Variants in UNC5C observed in about 807,000 individuals in gnomAD.
UNC5C encodes the protein netrin receptor UNC5C.
UNC5C carries 47 observed loss-of-function variants against 99.8 expected under a neutral mutation model. The observed-to-expected ratio is 0.47, with a 90% CI of 0.37 to 0.60. The LOEUF (loss-of-function observed/expected upper bound fraction) is 0.60, where lower values mean the gene tolerates loss of function less well. UNC5C is among the 20% of genes least tolerant of loss of function. UNC5C has a pLI of 0.00. For synonymous variants in UNC5C, 487 were observed against 452.2 expected (o/e 1.08, Z -0.98); for missense variants, 1,062 against 1,165.9 (o/e 0.91, Z 1.30).
At chr4:95,508,621 A>G (rs1223704043) in intron 1 of UNC5C, among the ~76,000 whole-genome samples, 7 of 151,674 alleles carry the variant, frequency 4.6e-5, no homozygotes, top group African/African-American at 1.5e-4. Context: ...GTTTCTCTCC[A>G]TTTTTACTGT....
chr4:95,461,792 T>G (rs1342899326), intron 1 of UNC5C, among the ~76,000 whole-genome samples: 1 of 152,142 alleles, frequency 6.6e-6, no homozygotes, highest in Non-Finnish European at 1.5e-5. Context: ...CAATCAGAGG[T>G]GATGCGTGGC....
At chr4:95,477,835 C>T (rs1227703572) in intron 1 of UNC5C, among the ~76,000 whole-genome samples, 1 of 151,970 alleles carries the variant, frequency 6.6e-6, no homozygotes, top group Non-Finnish European at 1.5e-5. Flanking sequence ...CATACCTATA[C>T]TTAAGAGGAC....
At chr4:95,479,551 A>G (rs1721070707) in intron 1 of UNC5C, among the ~76,000 whole-genome samples, 1 of 151,976 alleles carries the variant, frequency 6.6e-6, no homozygotes. Context: ...TGAAACATAC[A>G]AAGGTTCTGA....
chr4:95,184,187 G>A lies in UNC5C; in HGVS notation c.2286+860C>T, dbSNP rs536612518. Among the ~76,000 whole-genome samples the A allele has an allele frequency of 4.2e-4, 64 of 152,248 alleles. No homozygotes were observed. The South Asian group carries it at 0.011, about 27-fold the overall frequency. On this transcript the variant is annotated intron_variant, in intron 13 of 15. Transcript: ENST00000453304. ...ATAGAGAGTCTGGCATGCAACCTCC[G>A]TCAAAGCTCATGATTGTTAACAAAC... is the stretch of plus-strand genomic sequence containing the variant.
chr4:95,211,100 T>C (rs1425939726), intron 10 of UNC5C, among the ~76,000 whole-genome samples: 1 of 152,242 alleles, frequency 6.6e-6, no homozygotes, highest in Non-Finnish European at 1.5e-5. Context: ...GTCTGTTTCC[T>C]AGAGCAGGCT....
chr4:95,212,813 C>T (rs551708535), intron 10 of UNC5C, among the ~76,000 whole-genome samples: 20 of 152,322 alleles, frequency 1.3e-4, no homozygotes, highest in East Asian at 1.2e-3. Context: ...TTCTGCCCCT[C>T]CTTTGCAACA....
At chr4:95,399,033 C>A (rs535034437) in intron 1 of UNC5C, among the ~76,000 whole-genome samples, 1 of 152,248 alleles carries the variant, frequency 6.6e-6, no homozygotes, top group Admixed American at 6.5e-5. Context: ...CTACTGAAAT[C>A]ATCAAAAATA....
At chr4:95,316,718 C>T (rs1008118703) in intron 2 of UNC5C, among the ~76,000 whole-genome samples, 1 of 152,148 alleles carries the variant, frequency 6.6e-6, no homozygotes, top group Non-Finnish European at 1.5e-5. Context: ...CCAATATCTG[C>T]ATACTCCTTA....
At position 95,271,377 on chromosome 4, in the gene UNC5C, G is replaced by A. The variant is rs964897918; in HGVS notation, c.594+6882C>T. On this transcript the variant is annotated intron_variant, in intron 4 of 15. Coordinates refer to ENST00000453304, the MANE Select transcript of UNC5C (RefSeq NM_003728.4). ...CGCGTAGCTGGGACTACAGGCGCCC[G>A]CCACCACGCCCGGCTAATTTTTTTG... Among the ~76,000 whole-genome samples the A allele has an allele frequency of 2.6e-5, 4 of 151,308 alleles. 1 individual carries two copies. Among genetic ancestry groups the A allele is most frequent in the African/African-American group, 7.4e-5 (3 of 40,692 alleles).
At chr4:95,297,919 C>A (rs1049240045) in intron 3 of UNC5C, among the ~76,000 whole-genome samples, 1 of 152,200 alleles carries the variant, frequency 6.6e-6, no homozygotes, top group Admixed American at 6.5e-5. Context: ...CCATTCTCAA[C>A]ACAGCAGCCA....
At chr4:95,472,546 G>A (rs982491385) in intron 1 of UNC5C, among the ~76,000 whole-genome samples, 8 of 151,984 alleles carry the variant, frequency 5.3e-5, no homozygotes, top group Admixed American at 2.6e-4. Context: ...CATGAAAACC[G>A]AGGTAAAAAA....
intron 1 of UNC5C, among the ~76,000 whole-genome samples, chr4:95,339,688 G>A (rs952016409): frequency 2.0e-5 from 3 of 151,964 alleles, no homozygotes; most frequent in Non-Finnish European, 4.4e-5. Context: ...CATGCCACAG[G>A]TATCCCAAAT....
chr4:95,338,456 T>C (rs1166189900), intron 1 of UNC5C, among the ~76,000 whole-genome samples: 2 of 152,096 alleles, frequency 1.3e-5, no homozygotes, highest in Non-Finnish European at 2.9e-5. Context: ...TATTTAAAGA[T>C]AAAGTGATCA....
chr4:95,347,638 C>G (rs1743827071), intron 1 of UNC5C, among the ~76,000 whole-genome samples: 1 of 151,830 alleles, frequency 6.6e-6, no homozygotes, highest in African/African-American at 2.4e-5. Context: ...GCCAAGGGTG[C>G]CAGACATATA....
chr4:95,364,368 T>C (rs28689658), intron 1 of UNC5C, among the ~76,000 whole-genome samples: 54,144 of 152,082 alleles, frequency 0.36, 11,128 homozygotes, highest in African/African-American at 0.55. Flanking sequence ...ATCCCATTAT[T>C]GATATGGGGA....
chr4:95,455,589 C>T (rs1245715634), intron 1 of UNC5C, among the ~76,000 whole-genome samples: 3 of 151,992 alleles, frequency 2.0e-5, no homozygotes, highest in Non-Finnish European at 4.4e-5. Context: ...AATTGCACCA[C>T]TGAACTCCAG....
At chr4:95,396,198 G>A (rs1745504034) in intron 1 of UNC5C, among the ~76,000 whole-genome samples, 1 of 152,110 alleles carries the variant, frequency 6.6e-6, no homozygotes, top group Non-Finnish European at 1.5e-5. Context: ...AACATGTGCT[G>A]ACCCATAGAT....
At chr4:95,311,411 G>A (rs74477738) in intron 2 of UNC5C, among the ~76,000 whole-genome samples, 1,626 of 152,178 alleles carry the variant, frequency 0.011, 20 homozygotes, top group African/African-American at 0.037. Context: ...CTAAAACACC[G>A]AATATATTAC....
At chr4:95,258,451 C>T (rs1195115589) in intron 4 of UNC5C, among the ~76,000 whole-genome samples, 3 of 152,060 alleles carry the variant, frequency 2.0e-5, no homozygotes, top group Admixed American at 1.3e-4. Flanking sequence ...GAAAGAAAAA[C>T]AGGTTGGAGT....
Sources: gnomAD v4.1 joint callset for allele counts (sites outside exome capture counted in the v4.1 genomes callset) on GRCh38, gnomAD v4.1.1 for gene constraint, MANE v1.5 for transcripts, NCBI Gene and HGNC (gene_info 2026-07-23, HGNC 2026-07-21) for gene names.